The following MNS1 variants were observed in gnomAD, a reference collection of about 807,000 sequenced individuals.
MNS1 encodes meiosis specific nuclear structural 1.
In MNS1, 63 loss-of-function variants were observed where a neutral mutation model predicts 72.0. The ratio of observed to expected loss-of-function variants is 0.87; its 90% CI spans 0.71 to 1.08. MNS1 has a LOEUF of 1.08. Among genes scored for constraint, MNS1 ranks in the 50% least tolerant of loss-of-function variants. The pLI is 0.00. For synonymous variants in MNS1, 188 were observed against 172.1 expected, an observed-to-expected ratio of 1.09 and a Z score of -0.72; for missense variants, 604 against 562.4, an observed-to-expected ratio of 1.07 and a Z score of -0.75.
chr15:56,429,092 T>G lies in MNS1; in HGVS notation c.*9A>C. 6.4e-7 allele frequency: 1 copy of G among 1,557,612 alleles called. No homozygotes were observed. The highest frequency in any genetic ancestry group is 8.7e-7 in the Non-Finnish European group (1 of 1,143,538). ...CAAAAAATCTATGCTTTACCCAATT[T>G]TGATGATATCATTTCTCTTCACAAA... On this transcript the variant is annotated 3_prime_UTR_variant, in exon 10 of 10. Transcript: ENST00000260453.
chr15:56,437,180 C>T (rs62023869), intron 7 of MNS1, among the ~76,000 whole-genome samples: 43,057 of 152,058 alleles, frequency 0.28, 6,821 homozygotes, highest in Middle Eastern at 0.46. Flanking sequence ...AATTTAAGAC[C>T]AATATCCCTG....
chr15:56,435,421 C>A (rs1313912546), intron 7 of MNS1, among the ~76,000 whole-genome samples: 2 of 150,950 alleles, frequency 1.3e-5, no homozygotes, highest in African/African-American at 4.9e-5. Flanking sequence ...AGACCTTTAA[C>A]AAGGCTGACC....
chr15:56,442,211 A>G (rs1314338782), intron 7 of MNS1, among the ~76,000 whole-genome samples: 1 of 152,158 alleles, frequency 6.6e-6, no homozygotes, highest in Admixed American at 6.5e-5. Context: ...CAGAATGGCT[A>G]TTAAAGTCAC....
At chr15:56,448,803 G>C (rs2050927110) in intron 3 of MNS1, among the ~76,000 whole-genome samples, 1 of 147,528 alleles carries the variant, frequency 6.8e-6, no homozygotes, top group Non-Finnish European at 1.5e-5. Context: ...ATTCAGGCTG[G>C]AGTGCAGTGG....
intron 7 of MNS1, among the ~76,000 whole-genome samples, chr15:56,439,199 A>G (rs2050778542): frequency 6.6e-6 from 1 of 152,154 alleles, no homozygotes; most frequent in South Asian, 2.1e-4. Context: ...AAAATGAAAC[A>G]CTTAGATGTA....
chr15:56,464,744 G>C (rs1376499752), intron 1 of MNS1, among the ~76,000 whole-genome samples: 1 of 152,004 alleles, frequency 6.6e-6, no homozygotes, highest in Non-Finnish European at 1.5e-5. Context: ...GTTCTATTGG[G>C]CAGATTTAAA....
intron 7 of MNS1, among the ~76,000 whole-genome samples, chr15:56,438,437 C>T (rs1255962208): frequency 6.6e-6 from 1 of 151,976 alleles, no homozygotes; most frequent in Non-Finnish European, 1.5e-5. Flanking sequence ...AACTGGCTAG[C>T]CATAGGTAGA....
rs777364298 is a variant in MNS1 at position 56,464,136 on chromosome 15, T to C, written c.115A>G (p.Arg39Gly). 2.5e-6 allele frequency: 4 copies of C among 1,614,156 alleles called. No homozygotes were observed. Among genetic ancestry groups the C allele is most frequent in the South Asian group, 2.2e-5 (2 of 91,066 alleles). The change falls in exon 2 of 10, where the codon AGG becomes GGG. Residue 39 changes from arginine (R) to glycine (G), a missense_variant. Transcript: ENST00000260453. ...TTTTCATTCTGCACCATTTGATTCC[T>C]GATTTGACTGTTGACGTTTTTTAGA... ...QALKNVNSQI[R>G]NQMVQNENDN...
At chr15:56,463,428 T>C (rs974082950) in intron 2 of MNS1, among the ~76,000 whole-genome samples, 23 of 152,162 alleles carry the variant, frequency 1.5e-4, no homozygotes, top group Admixed American at 6.5e-5. Flanking sequence ...ATTAACTCAT[T>C]ATTAAAACAA....
intron 2 of MNS1, among the ~76,000 whole-genome samples, chr15:56,461,094 A>C (rs2051017156): frequency 6.6e-6 from 1 of 152,208 alleles, no homozygotes; most frequent in Admixed American, 6.5e-5. Flanking sequence ...CTTATTCAAA[A>C]GAAGGTCAGT....
intron 3 of MNS1, among the ~76,000 whole-genome samples, chr15:56,455,803 A>G (rs2140375895): frequency 6.6e-6 from 1 of 152,300 alleles, no homozygotes; most frequent in South Asian, 2.1e-4. Context: ...AACCAGGATG[A>G]TGAATAAACT....
intron 7 of MNS1, among the ~76,000 whole-genome samples, chr15:56,441,504 G>T (rs1174888531): frequency 1.3e-5 from 2 of 152,054 alleles, no homozygotes; most frequent in African/African-American, 4.8e-5. Context: ...ACCTGGCAAA[G>T]ATTTCATGAT....
chr15:56,435,476 A>G (rs560360890), intron 7 of MNS1, among the ~76,000 whole-genome samples: 1 of 152,190 alleles, frequency 6.6e-6, no homozygotes, highest in South Asian at 2.1e-4. Context: ...AATATCAGGA[A>G]TAAAACATAG....
At chr15:56,442,925 C>T (rs556147591) in intron 7 of MNS1, among the ~76,000 whole-genome samples, 1 of 151,910 alleles carries the variant, frequency 6.6e-6, no homozygotes, top group South Asian at 2.1e-4. Context: ...AAAAAAAAAT[C>T]TTGAACTCTG....
At position 56,444,288 on chromosome 15, in the gene MNS1, G is replaced by C. The variant is rs1002887668; in HGVS notation, c.686+156C>G. On this transcript the variant is annotated intron_variant, in intron 5 of 9. Transcript: ENST00000260453. ...TTATTAATTATGCTAACGGAGATGA[G>C]AAGGAGTTGGTCCCAATTTATGTTT... Among the ~76,000 whole-genome samples, 6 of 152,046 alleles carry C rather than the reference G, an allele frequency of 3.9e-5. No individual in the cohort carries two copies. In the East Asian group the frequency reaches 1.2e-3, roughly 29 times the overall value.
chr15:56,454,986 T>C (rs2050971450), intron 3 of MNS1, among the ~76,000 whole-genome samples: 1 of 152,138 alleles, frequency 6.6e-6, no homozygotes, highest in Non-Finnish European at 1.5e-5. Context: ...CATATGCTTA[T>C]TGGCCAAGCT....
At chr15:56,445,731 G>C (rs1291821407) in intron 4 of MNS1, 1 of 152,034 alleles carries the variant, frequency 6.6e-6, no homozygotes, top group East Asian at 1.9e-4. Flanking sequence ...ACCTAGTCAA[G>C]TCCTAGTAGT....
chr15:56,432,618 T>A (rs554546609), intron 8 of MNS1, among the ~76,000 whole-genome samples: 1 of 152,196 alleles, frequency 6.6e-6, no homozygotes, highest in Non-Finnish European at 1.5e-5. Flanking sequence ...ATTATTTGTA[T>A]AAGTATCTAT....
intron 2 of MNS1, among the ~76,000 whole-genome samples, chr15:56,461,660 C>CAA (rs11294380): frequency 0.015 from 839 of 56,310 alleles, 26 homozygotes; most frequent in East Asian, 0.058. Flanking sequence ...GACTCTGTCT[C>CAA]AAAAAAAAAA....
Sources: allele counts gnomAD v4.1 joint callset (sites outside exome capture counted in the v4.1 genomes callset), GRCh38; gene constraint gnomAD v4.1.1; transcripts MANE v1.5; gene names NCBI Gene and HGNC (gene_info 2026-07-23, HGNC 2026-07-21).